Variants in PIR observed in about 807,000 individuals in gnomAD.
PIR encodes pirin, also known as pirin (iron-binding nuclear protein).
In PIR, 22 loss-of-function variants were observed where a neutral mutation model predicts 24.2. The observed-to-expected ratio is 0.91, with a 90% CI of 0.65 to 1.30. PIR has a LOEUF of 1.30. PIR is among the 50% of genes most tolerant of loss of function. The probability of loss-of-function intolerance (pLI) is 0.00; values close to 1 mark genes in which losing one functional copy is unlikely to be tolerated. For missense variants in PIR, 220 were observed against 220.3 expected (o/e 1.00, Z 0.01); for synonymous variants, 80 against 79.6 (o/e 1.00, Z -0.03).
chrX:15,431,673 C>CG (rs1417792718), intron 5 of PIR, among the ~76,000 whole-genome samples: 1 of 96,525 alleles, frequency 1.0e-5, no homozygotes, highest in Admixed American at 1.1e-4. Flanking sequence ...AAATAACCAC[C>CG]CCCCCCCCGA....
At chrX:15,431,681 C>T (rs769774977) in intron 5 of PIR, among the ~76,000 whole-genome samples, 40 of 104,358 alleles carry the variant, frequency 3.8e-4, no homozygotes, top group Admixed American at 2.7e-3. Context: ...ACCCCCCCCC[C>T]GAAAACCTTT....
At chrX:15,398,637 C>T (rs1924260393) in intron 7 of PIR, among the ~76,000 whole-genome samples, 1 of 104,459 alleles carries the variant, frequency 9.6e-6, no homozygotes, top group African/African-American at 3.5e-5. Flanking sequence ...CCATGTTTAT[C>T]TGTATAAAAT....
rs1569213615 is a variant in PIR, at chrX:15,488,296, A to AAAAAG, written c.96+2861_96+2865dup. ...TCCGTCTCAAAAAAAAAAAAAAAAA[A>AAAAAG]AAAAGAAAAGAAAGAAAAAGAAAAA... On this transcript the variant is annotated intron_variant, in intron 2 of 9. Coordinates refer to ENST00000380420, the MANE Select transcript of PIR (RefSeq NM_001018109.3). 4.7e-3 allele frequency among the ~76,000 whole-genome samples: 346 copies of AAAAAG among 73,851 alleles called. 1 individual carries two copies. The highest frequency in any genetic ancestry group is 0.019 in the African/African-American group (322 of 17,198). The allele number at this position is 73,851 out of a possible 115,157, so 64.1% of individuals were successfully genotyped here.
At chrX:15,391,204 T>C (rs941228773) in intron 8 of PIR, among the ~76,000 whole-genome samples, 2 of 112,343 alleles carry the variant, frequency 1.8e-5, no homozygotes, top group Non-Finnish European at 3.8e-5. Context: ...TTGTAAGTTT[T>C]GTAAATATCA....
rs376038873 is a variant in PIR, at chrX:15,397,432, G to A, written c.693+17C>T. The A allele has an allele frequency of 4.8e-6, 5 of 1,034,564 alleles. 1 individual carries two copies. The highest frequency in any genetic ancestry group is 6.8e-6 in the Non-Finnish European group (5 of 737,014). 85.3% of individuals were successfully genotyped at this position (1,034,564 alleles called of 1,213,427 possible). ...AAAGTACATGTTAAGAAAGTTAAAGGAAAATAACATACTTACCTTGTTCTC... is the reference window on the plus strand; with the variant it reads ...AAAGTACATGTTAAGAAAGTTAAAGAAAAATAACATACTTACCTTGTTCTC... On this transcript the variant is annotated intron_variant, in intron 8 of 9. Transcript: ENST00000380420.
At chrX:15,488,901 A>AT (rs1273394804) in intron 2 of PIR, among the ~76,000 whole-genome samples, 1 of 110,120 alleles carries the variant, frequency 9.1e-6, no homozygotes, top group African/African-American at 3.4e-5. Context: ...ACCTCTACTA[A>AT]TTTTTTTGTT....
chrX:15,419,555 A>G lies in PIR; in HGVS notation c.565+6351T>C, dbSNP rs748760779. Among the ~76,000 whole-genome samples the G allele has an allele frequency of 7.2e-5, 8 of 111,675 alleles. No homozygotes were observed. In the Admixed American group the frequency reaches 7.6e-4, roughly 11 times the overall value. On this transcript the variant is annotated intron_variant, in intron 6 of 9. Transcript: ENST00000380420. ...GTTTAAAGTGGGTTTACAGACGCTC[A>G]ATGCTAAATGTGCAATTCTAAGCTA...
rs756066247 is a variant in PIR, at chrX:15,390,254, A to C, written c.694-3T>G. 6 of 1,072,412 alleles carry C rather than the reference A, an allele frequency of 5.6e-6. No individual in the cohort carries two copies. The African/African-American group carries it at 1.1e-4, about 20-fold the overall frequency. 88.4% of individuals were successfully genotyped at this position (1,072,412 alleles called of 1,213,427 possible). The stretch of plus-strand genomic sequence containing the variant: ...ACAAAGTGGCTTCTCTTGGGATCCT[A>C]AAGTTAACAAAGAAAACATCAAACA... On this transcript the variant is annotated splice_region_variant and splice_polypyrimidine_tract_variant and intron_variant, in intron 8 of 9. Transcript: ENST00000380420.
intron 8 of PIR, 91 bp from the exon 9 acceptor site, chrX:15,390,342 T>C (rs1324392697): frequency 4.0e-6 from 2 of 497,856 alleles, no homozygotes; most frequent in African/African-American, 4.9e-5. Flanking sequence ...GCTAGCCAAA[T>C]AGGCGATGTT....
chrX:15,469,458 C>G (rs1263934760), intron 3 of PIR, among the ~76,000 whole-genome samples: 1 of 111,537 alleles, frequency 9.0e-6, no homozygotes, highest in Non-Finnish European at 1.9e-5. Context: ...GGAGCTACCA[C>G]TCTAGCAGAA....
At chrX:15,457,863 G>C (rs1375956494) in intron 4 of PIR, among the ~76,000 whole-genome samples, 2 of 112,096 alleles carry the variant, frequency 1.8e-5, no homozygotes, top group Non-Finnish European at 3.8e-5. Context: ...AAGTTTATTG[G>C]CACACGGCCA....
At chrX:15,448,861 G>T (rs750175721) in intron 5 of PIR, among the ~76,000 whole-genome samples, 2 of 111,986 alleles carry the variant, frequency 1.8e-5, no homozygotes, top group Non-Finnish European at 3.8e-5. Context: ...ACATACTGCT[G>T]TTTTCGTATT....
At chrX:15,415,776 T>TA (rs1426453261) in intron 6 of PIR, among the ~76,000 whole-genome samples, 6 of 110,920 alleles carry the variant, frequency 5.4e-5, no homozygotes, top group South Asian at 3.8e-4. Flanking sequence ...AAAAAACAAT[T>TA]AAAAAAACCA....
intron 2 of PIR, among the ~76,000 whole-genome samples, chrX:15,482,069 G>C (rs1272135890): frequency 8.9e-6 from 1 of 112,050 alleles, no homozygotes; most frequent in East Asian, 2.8e-4. Flanking sequence ...CAAAGTCAGG[G>C]AGGAGGGCAC....
intron 8 of PIR, among the ~76,000 whole-genome samples, chrX:15,391,773 C>T (rs1432487392): frequency 9.0e-6 from 1 of 111,688 alleles, no homozygotes; most frequent in Non-Finnish European, 1.9e-5. Context: ...CTCCTGCATG[C>T]CATGTCCAGC....
Position 15,456,004 on chromosome X carries a change from C to T in PIR, c.324G>A (p.Glu108=). 2 of 1,211,750 alleles carry T rather than the reference C, an allele frequency of 1.7e-6. No individual in the cohort carries two copies. Among genetic ancestry groups the T allele is most frequent in the Non-Finnish European group, 1.1e-6 (1 of 895,298 alleles). The part of the protein sequence containing the change: ...GILHAEMPCS[E]EPAHGLQLWV... ...ACAGTTGTAGGCCATGGGCTGGCTCCTCTGAGCAAGGCATCTCAGCGTGCA... is the reference window on the plus strand; with the variant it reads ...ACAGTTGTAGGCCATGGGCTGGCTCTTCTGAGCAAGGCATCTCAGCGTGCA... Residue 108 remains glutamate, a synonymous_variant, in exon 5 of 10, where the codon GAG becomes GAA. Transcript: ENST00000380420.
chrX:15,473,637 A>T (rs939042479), intron 3 of PIR, among the ~76,000 whole-genome samples: 18 of 110,393 alleles, frequency 1.6e-4, no homozygotes, highest in Admixed American at 6.8e-4. Flanking sequence ...GCTCACTGCA[A>T]CCTCCGCCTC....
At chrX:15,404,943 T>C (rs61611473) in intron 7 of PIR, among the ~76,000 whole-genome samples, 9,066 of 111,010 alleles carry the variant, frequency 0.082, 938 homozygotes, top group African/African-American at 0.28. Flanking sequence ...GACCCATCCC[T>C]TGCCAGATGT....
rs902311583 is a variant in PIR, at chrX:15,396,780, T to C, written c.693+669A>G. Among the ~76,000 whole-genome samples the C allele has an allele frequency of 8.8e-4, 59 of 66,991 alleles. 1 individual carries two copies. The highest frequency in any genetic ancestry group is 1.3e-3 in the Non-Finnish European group (36 of 28,512). 58.2% of individuals were successfully genotyped at this position (66,991 alleles called of 115,157 possible). On this transcript the variant is annotated intron_variant, in intron 8 of 9. Transcript: ENST00000380420. ...TTTTTGAGACGGAGTCTCACTGTGT[T>C]GCCCAGCTGGAGTGCAGTGGCGCAA...
Sources: allele counts gnomAD v4.1 joint callset (sites outside exome capture counted in the v4.1 genomes callset), GRCh38; gene constraint gnomAD v4.1.1; transcripts MANE v1.5; gene names NCBI Gene and HGNC (gene_info 2026-07-23, HGNC 2026-07-21).